OSBPL8: variants seen among roughly 807,000 people sequenced by gnomAD.
OSBPL8 encodes the protein oxysterol binding protein like 8.
Under a neutral mutation model 125.5 loss-of-function variants are expected in OSBPL8, and 59 were observed. The observed-to-expected ratio is 0.47, with a 90% CI of 0.38 to 0.58. OSBPL8 has a LOEUF of 0.58. OSBPL8 is among the 20% of genes least tolerant of loss of function. The pLI is 0.00. For missense variants in OSBPL8, 758 were observed against 1,047.8 expected (o/e 0.72, Z 3.82); for synonymous variants, 330 against 338.9 (o/e 0.97, Z 0.29).
At chr12:76,398,388 A>G (rs531255599) in intron 7 of OSBPL8, among the ~76,000 whole-genome samples, 1 of 152,254 alleles carries the variant, frequency 6.6e-6, no homozygotes, top group East Asian at 1.9e-4. Flanking sequence ...CTAGCCCCTA[A>G]AATTACCTTA....
At position 76,388,901 on chromosome 12, in the gene OSBPL8, A is replaced by G. The variant is rs1446150655; in HGVS notation, c.1352+744T>C. Reference sequence around the variant, plus strand: ...TGCCATTTATAGACAAAAACCGAAAATAAGTCTTGATAAAGATTCTAAAAA... The same window carrying G: ...TGCCATTTATAGACAAAAACCGAAAGTAAGTCTTGATAAAGATTCTAAAAA... On this transcript the variant is annotated intron_variant, in intron 12 of 23. Coordinates refer to ENST00000261183, the MANE Select transcript of OSBPL8 (RefSeq NM_020841.5). 3.9e-5 allele frequency among the ~76,000 whole-genome samples: 6 copies of G among 152,256 alleles called. No homozygotes were observed. The South Asian group carries it at 8.3e-4, about 21-fold the overall frequency.
At chr12:76,422,506 C>T (rs756873846) in intron 4 of OSBPL8, 7 of 456,094 alleles carry the variant, frequency 1.5e-5, no homozygotes, top group Admixed American at 7.1e-5. Flanking sequence ...ATTAAACACA[C>T]AAACCTGGCA....
chr12:76,373,468 T>A, intron 17 of OSBPL8, 35 bp from the exon 18 acceptor site: 1 of 1,458,840 alleles, frequency 6.9e-7, no homozygotes, highest in Non-Finnish European at 9.5e-7. Flanking sequence ...ATTTTACTTT[T>A]CACTTATATT....
chr12:76,511,821 T>C (rs907715812), intron 1 of OSBPL8, among the ~76,000 whole-genome samples: 7 of 152,236 alleles, frequency 4.6e-5, no homozygotes, highest in African/African-American at 9.6e-5. Context: ...CTGGATGGTA[T>C]TACCTAGGTC....
intron 1 of OSBPL8, among the ~76,000 whole-genome samples, chr12:76,540,510 G>C (rs1950611055): frequency 6.6e-6 from 1 of 151,708 alleles, no homozygotes; most frequent in South Asian, 2.1e-4. Context: ...GTGTGTGTGT[G>C]TGTGTGTGTG....
intron 1 of OSBPL8, among the ~76,000 whole-genome samples, chr12:76,528,349 A>G (rs1310750904): frequency 1.3e-5 from 2 of 149,884 alleles, no homozygotes; most frequent in East Asian, 3.9e-4. Context: ...AAAAAAAAAA[A>G]GTATTATTAT....
chr12:76,409,750 T>TA (rs1439473892), intron 5 of OSBPL8, among the ~76,000 whole-genome samples: 1 of 152,182 alleles, frequency 6.6e-6, no homozygotes, highest in African/African-American at 2.4e-5. Flanking sequence ...AAATCATACA[T>TA]AAAAACATAC....
chr12:76,364,290 CAT>C (rs937301341), intron 21 of OSBPL8, among the ~76,000 whole-genome samples: 33 of 152,272 alleles, frequency 2.2e-4, no homozygotes, highest in African/African-American at 7.5e-4. Flanking sequence ...GAAAATCTGG[CAT>C]ATATACACCA....
intron 1 of OSBPL8, among the ~76,000 whole-genome samples, chr12:76,512,604 G>C (rs1160029705): frequency 6.6e-6 from 1 of 152,194 alleles, no homozygotes; most frequent in Admixed American, 6.5e-5. Context: ...AGCGTAGTTT[G>C]AAGTCAGGTA....
At chr12:76,532,753 G>GTC (rs1044524076) in intron 1 of OSBPL8, among the ~76,000 whole-genome samples, 216 of 151,134 alleles carry the variant, frequency 1.4e-3, no homozygotes, top group African/African-American at 4.0e-3. Context: ...GTCCATGCCT[G>GTC]TCTCTCTCTC....
chr12:76,491,212 A>G (rs369331275), intron 1 of OSBPL8, among the ~76,000 whole-genome samples: 138 of 152,242 alleles, frequency 9.1e-4, no homozygotes, highest in Non-Finnish European at 1.4e-3. Flanking sequence ...AGAATACTAC[A>G]TAAATTTAGT....
At chr12:76,444,402 T>C (rs529408090) in intron 4 of OSBPL8, among the ~76,000 whole-genome samples, 1 of 152,294 alleles carries the variant, frequency 6.6e-6, no homozygotes, top group South Asian at 2.1e-4. Context: ...CAGTATCACC[T>C]AAGAAAGCCT....
At chr12:76,483,513 G>A (rs759715962) in intron 2 of OSBPL8, among the ~76,000 whole-genome samples, 2 of 151,486 alleles carry the variant, frequency 1.3e-5, no homozygotes, top group African/African-American at 2.4e-5. Flanking sequence ...CCAGTGAGCC[G>A]AGACCATGCC....
chr12:76,505,166 G>A (rs61925524), intron 1 of OSBPL8, among the ~76,000 whole-genome samples: 56 of 152,096 alleles, frequency 3.7e-4, no homozygotes, highest in Non-Finnish European at 6.2e-4. Flanking sequence ...ATTTCCCTGT[G>A]TTGATAAATT....
chr12:76,485,447 C>T (rs183490583), intron 2 of OSBPL8, among the ~76,000 whole-genome samples: 18 of 152,110 alleles, frequency 1.2e-4, no homozygotes, highest in Non-Finnish European at 1.9e-4. Flanking sequence ...GTGGCACATG[C>T]CTGTAATCCC....
At chr12:76,386,915 C>T (rs1270023397) in intron 12 of OSBPL8, among the ~76,000 whole-genome samples, 2 of 152,084 alleles carry the variant, frequency 1.3e-5, no homozygotes, top group Non-Finnish European at 2.9e-5. Context: ...TTTTTGGAAA[C>T]TCTCCAAACC....
At chr12:76,433,854 T>C (rs957123149) in intron 4 of OSBPL8, among the ~76,000 whole-genome samples, 2 of 151,012 alleles carry the variant, frequency 1.3e-5, no homozygotes, top group African/African-American at 2.4e-5. Flanking sequence ...CATGCACCTG[T>C]AATCCAGCTA....
chr12:76,500,710 T>C (rs570132497), intron 1 of OSBPL8, among the ~76,000 whole-genome samples: 1 of 152,248 alleles, frequency 6.6e-6, no homozygotes, highest in South Asian at 2.1e-4. Flanking sequence ...ATTTAAAGAT[T>C]TTCCTTCTTT....
intron 2 of OSBPL8, among the ~76,000 whole-genome samples, chr12:76,475,385 G>C (rs903536671): frequency 6.6e-6 from 1 of 152,202 alleles, no homozygotes; most frequent in African/African-American, 2.4e-5. Flanking sequence ...CCAAAGTCTA[G>C]ATTAGCAAAA....
Sources: allele counts gnomAD v4.1 joint callset (sites outside exome capture counted in the v4.1 genomes callset), GRCh38; gene constraint gnomAD v4.1.1; transcripts MANE v1.5; gene names NCBI Gene and HGNC (gene_info 2026-07-23, HGNC 2026-07-21).